The following CSMD2 variants were observed in gnomAD, a reference collection of about 807,000 sequenced individuals.
CSMD2 encodes the protein CUB and sushi domain-containing protein 2.
A neutral mutation model predicts 398.5 loss-of-function variants in CSMD2; 130 were observed. The ratio of observed to expected loss-of-function variants is 0.33; its 90% CI spans 0.28 to 0.38. CSMD2 has a LOEUF of 0.38. Among genes scored for constraint, CSMD2 ranks in the 10% least tolerant of loss-of-function variants. The pLI, the probability that CSMD2 is intolerant of heterozygous loss-of-function variation, is 1.00. For synonymous variants in CSMD2, 1,828 were observed against 1,908.5 expected (o/e 0.96, Z 1.10); for missense variants, 3,829 against 4,764.9 (o/e 0.80, Z 5.78).
At chr1:33,700,382 G>T in intron 23 of CSMD2, 135 bp downstream of exon 23, 2 of 854,230 alleles carry the variant, frequency 2.3e-6, no homozygotes, top group Non-Finnish European at 3.7e-6. Flanking sequence ...TGCATCCACT[G>T]ATGGATACAT....
In CSMD2 at chr1:33,633,313, C is replaced by T; in HGVS notation, c.5200+109G>A. 3.8e-6 allele frequency: 3 copies of T among 781,084 alleles called. No individual in the cohort carries two copies. In the South Asian group the frequency reaches 4.8e-5, roughly 13 times the overall value. The allele number at this position is 781,084 out of a possible 1,614,324, so 48.4% of individuals were successfully genotyped here. The stretch of plus-strand genomic sequence containing the variant: ...ACCAGAACACGACAGGCACGCAGAG[C>T]CGTAGGGTTCCACCTGCGGCCATGG... On this transcript the variant is annotated intron_variant, in intron 32 of 70. Transcript: ENST00000373381. This position sits in a 1 kb window ranked among gnomAD's most constrained non-coding sequence, Gnocchi z 5.0.
At chr1:34,135,303 A>G (rs1571228707) in intron 1 of CSMD2, among the ~76,000 whole-genome samples, 1 of 150,652 alleles carries the variant, frequency 6.6e-6, no homozygotes, top group Non-Finnish European at 1.5e-5. Context: ...TTGTTGTGAT[A>G]TTGTTTGGGG....
upstream of CSMD2, chr1:34,165,794 G>T (rs766029895): frequency 3.1e-6 from 5 of 1,614,008 alleles, no homozygotes; most frequent in Non-Finnish European, 4.2e-6. Context: ...AGGGCCGGGG[G>T]CGATGCTTAT....
At chr1:33,525,109 A>T (rs1234148898) in intron 65 of CSMD2, 66 bp from the exon 66 acceptor site, 2 of 1,535,062 alleles carry the variant, frequency 1.3e-6, no homozygotes, top group African/African-American at 2.7e-5. Context: ...GGGTAGCCTG[A>T]TGACTGATCC....
rs142374933 is a variant in CSMD2, at chr1:33,534,105, A to G, written c.9880-198T>C. ...TGCCTCCTCCACAAGGCCTCATCTAATACCCTGAACAAAGTTGTAATATTA... is the reference window on the plus strand; with the variant it reads ...TGCCTCCTCCACAAGGCCTCATCTAGTACCCTGAACAAAGTTGTAATATTA... On this transcript the variant is annotated intron_variant, in intron 62 of 70. Transcript: ENST00000373381. Among the ~76,000 whole-genome samples, 304 of 152,280 alleles carry G rather than the reference A, an allele frequency of 2.0e-3. 1 individual carries two copies. The highest frequency in any genetic ancestry group is 6.9e-3 in the African/African-American group (287 of 41,546).
intron 3 of CSMD2, among the ~76,000 whole-genome samples, chr1:33,989,648 TA>T (rs148165016): frequency 1.3e-5 from 2 of 151,716 alleles, no homozygotes; most frequent in South Asian, 2.1e-4. Context: ...TTTTCAGCAG[TA>T]AAAAAAATGA....
intron 29 of CSMD2, among the ~76,000 whole-genome samples, chr1:33,640,739 T>C (rs1211399888): frequency 6.6e-6 from 1 of 152,234 alleles, no homozygotes; most frequent in East Asian, 1.9e-4. Context: ...TAAGAGTATA[T>C]CTTATATGCT....
intron 42 of CSMD2, among the ~76,000 whole-genome samples, chr1:33,604,278 G>A (rs1176853708): frequency 1.3e-5 from 2 of 152,232 alleles, no homozygotes; most frequent in Admixed American, 6.5e-5. Context: ...AACTGGTTAC[G>A]CAGAGCAGAG....
intron 6 of CSMD2, among the ~76,000 whole-genome samples, chr1:33,842,851 C>G (rs959508750): frequency 6.6e-6 from 1 of 152,206 alleles, no homozygotes; most frequent in Non-Finnish European, 1.5e-5. Context: ...CGGATTTGGT[C>G]TGTGACTGCT....
intron 29 of CSMD2, among the ~76,000 whole-genome samples, chr1:33,639,513 G>A (rs1642991680): frequency 6.6e-6 from 1 of 152,128 alleles, no homozygotes; most frequent in Non-Finnish European, 1.5e-5. Flanking sequence ...GGTAACTTGG[G>A]TAAGGGTATT....
intron 53 of CSMD2, among the ~76,000 whole-genome samples, chr1:33,560,849 G>A (rs1658471975): frequency 6.6e-6 from 1 of 152,250 alleles, no homozygotes; most frequent in African/African-American, 2.4e-5. Flanking sequence ...TTCAGCAGGA[G>A]TGTGATAAAT....
At chr1:33,679,498 C>A (rs1053631961) in intron 25 of CSMD2, among the ~76,000 whole-genome samples, 13 of 152,188 alleles carry the variant, frequency 8.5e-5, no homozygotes, top group African/African-American at 3.1e-4. Context: ...CTGCGCCCAG[C>A]CTCAAATACT....
At chr1:34,095,951 C>A in intron 1 of CSMD2, among the ~76,000 whole-genome samples, 1 of 152,070 alleles carries the variant, frequency 6.6e-6, no homozygotes, top group Admixed American at 6.5e-5. Context: ...GGCAGAGACA[C>A]AACCAAAAAA....
At chr1:33,638,568 C>T (rs750336817) in intron 29 of CSMD2, among the ~76,000 whole-genome samples, 4 of 152,206 alleles carry the variant, frequency 2.6e-5, no homozygotes, top group Non-Finnish European at 5.9e-5. Flanking sequence ...CTGCTGAAAA[C>T]AATCCAATAG....
At chr1:34,012,071 G>A (rs548837395) in intron 3 of CSMD2, among the ~76,000 whole-genome samples, 117 of 152,272 alleles carry the variant, frequency 7.7e-4, no homozygotes, top group Non-Finnish European at 1.4e-3. Flanking sequence ...GGGCTGAATG[G>A]TTCACAGTTT....
intron 48 of CSMD2, 132 bp downstream of exon 48, chr1:33,580,621 G>A (rs1638626291): frequency 8.3e-6 from 7 of 844,338 alleles, no homozygotes; most frequent in Non-Finnish European, 1.3e-5. Flanking sequence ...ATAGGAGGTA[G>A]GGGAATGGCA....
intron 25 of CSMD2, among the ~76,000 whole-genome samples, chr1:33,675,106 A>T (rs1415732411): frequency 2.6e-5 from 4 of 152,240 alleles, no homozygotes; most frequent in Non-Finnish European, 5.9e-5. Flanking sequence ...AATAACTAAG[A>T]TCAGGGCAGA....
intron 11 of CSMD2, among the ~76,000 whole-genome samples, chr1:33,789,329 C>T (rs1653943764): frequency 6.6e-6 from 1 of 152,124 alleles, no homozygotes; most frequent in Non-Finnish European, 1.5e-5. Flanking sequence ...CAATCCCAAC[C>T]CCAAGCACCT....
intron 15 of CSMD2, among the ~76,000 whole-genome samples, chr1:33,733,309 TG>T (rs2149228009): frequency 6.6e-6 from 1 of 152,226 alleles, no homozygotes; most frequent in Non-Finnish European, 1.5e-5. Flanking sequence ...CACTGTTTTG[TG>T]GTAGAATATA....
Sources: allele counts gnomAD v4.1 joint callset (sites outside exome capture counted in the v4.1 genomes callset), GRCh38; gene constraint gnomAD v4.1.1; non-coding constraint Gnocchi (gnomAD v3.1); transcripts MANE v1.5; gene names NCBI Gene and HGNC (gene_info 2026-07-23, HGNC 2026-07-21).